The following GRK7 variants were observed in gnomAD, a reference collection of about 807,000 sequenced individuals.
GRK7 encodes G protein-coupled receptor kinase 7.
A neutral mutation model predicts 34.1 loss-of-function variants in GRK7; 24 were observed. That is an observed-to-expected ratio of 0.70 (90% CI 0.51 to 0.99). The LOEUF (loss-of-function observed/expected upper bound fraction) is 0.99. GRK7 is among the 50% of genes least tolerant of loss of function. GRK7 has a pLI of 0.00. For synonymous variants in GRK7, 256 were observed against 279.4 expected (o/e 0.92, Z 0.84); for missense variants, 644 against 707.3 (o/e 0.91, Z 1.02).
chr3:141,785,347 A>G (rs1033864109), intron 4 of GRK7, among the ~76,000 whole-genome samples: 2 of 152,018 alleles, frequency 1.3e-5, no homozygotes, highest in South Asian at 2.1e-4. Context: ...CACGGACAAG[A>G]CCTCTGTTAA....
intron 4 of GRK7, among the ~76,000 whole-genome samples, chr3:141,787,363 C>T (rs1304185725): frequency 6.6e-6 from 1 of 152,086 alleles, no homozygotes; most frequent in African/African-American, 2.4e-5. Flanking sequence ...ATGGCTGATG[C>T]CTATAATCCC....
intron 4 of GRK7, among the ~76,000 whole-genome samples, chr3:141,786,081 G>T (rs542025129): frequency 1.3e-5 from 2 of 152,084 alleles, no homozygotes; most frequent in African/African-American, 2.4e-5. Context: ...TAGCCCATTA[G>T]CCAGGACCAT....
In GRK7 at chr3:141,764,138, C is replaced by G. The variant is rs2084569376; in HGVS notation, c.-1815C>G. ...TAGCTCCCAGCTCTCCATCACTACT[C>G]TTGATAATTCTTGGTGATTTCAATA... On this transcript the variant is annotated 5_prime_UTR_variant, in exon 1 of 6. Transcript: ENST00000682958. Among the ~76,000 whole-genome samples the G allele has an allele frequency of 6.6e-6, 1 of 152,176 alleles. No individual in the cohort carries two copies. The highest frequency in any genetic ancestry group is 2.4e-5 in the African/African-American group (1 of 41,440).
rs181142030 is a variant in GRK7, at chr3:141,772,540, C to A, written c.-214-2040C>A. On this transcript the variant is annotated intron_variant, in intron 1 of 5. Transcript: ENST00000682958. The stretch of plus-strand genomic sequence containing the variant: ...CAAATAGATATGCTATTGGACCATG[C>A]AGAGAATTGGGCATTTTAAAGGATG... Among the ~76,000 whole-genome samples the A allele has an allele frequency of 1.8e-3, 281 of 152,258 alleles. 1 individual carries two copies. Among genetic ancestry groups the A allele is most frequent in the Non-Finnish European group, 2.6e-3 (179 of 68,010 alleles).
intron 1 of GRK7, among the ~76,000 whole-genome samples, chr3:141,767,018 CATT>C (rs2084592418): frequency 6.6e-6 from 1 of 152,168 alleles, no homozygotes; most frequent in Non-Finnish European, 1.5e-5. Flanking sequence ...AGAATGCAGT[CATT>C]ATTAAAACAA....
At chr3:141,757,158 T>A in the GRK7 span, among the ~76,000 whole-genome samples, 138 of 148,170 alleles carry the variant, frequency 9.3e-4, 1 homozygote, top group African/African-American at 3.2e-3. Flanking sequence ...TTTTTTTTTT[T>A]TTTATTATAC....
In GRK7 at chr3:141,817,888, A is replaced by T. The variant is rs1233221163; in HGVS notation, c.*838A>T. 6.6e-6 allele frequency: 1 copy of T among 152,212 alleles called. No homozygotes were observed. The highest frequency in any genetic ancestry group is 1.9e-4 in the East Asian group (1 of 5,206). 9.4% of individuals were successfully genotyped at this position (152,212 alleles called of 1,614,324 possible). On this transcript the variant is annotated 3_prime_UTR_variant, in exon 6 of 6. Coordinates refer to ENST00000682958, the MANE Select transcript of GRK7 (RefSeq NM_139209.3). ...GAACAGCTTGACCATTTAGAATTTC[A>T]GAAGCTCCCCAGGTGATTCTAATGT...
In GRK7 at chr3:141,790,192, A is replaced by G. The variant is rs532006686; in HGVS notation, c.1050+9381A>G. Among the ~76,000 whole-genome samples the G allele has an allele frequency of 9.8e-5, 15 of 152,292 alleles. 1 individual carries two copies. The highest frequency in any genetic ancestry group is 3.6e-4 in the African/African-American group (15 of 41,580). On this transcript the variant is annotated intron_variant, in intron 4 of 5. Coordinates refer to ENST00000682958, the MANE Select transcript of GRK7 (RefSeq NM_139209.3). ...AATTTTTTATACTTCTAGTAGAGACAGGGTTTCACCGAGTTAACCAGGGTG... is the reference window on the plus strand; with the variant it reads ...AATTTTTTATACTTCTAGTAGAGACGGGGTTTCACCGAGTTAACCAGGGTG...
chr3:141,762,081 G>A (rs1012059460), upstream of GRK7, among the ~76,000 whole-genome samples: 1 of 149,972 alleles, frequency 6.7e-6, no homozygotes, highest in Non-Finnish European at 1.5e-5. Context: ...GTAGCTCAGA[G>A]TAATTTGATT....
At chr3:141,763,046 A>G (rs2084564142), upstream of GRK7, among the ~76,000 whole-genome samples, 1 of 152,228 alleles carries the variant, frequency 6.6e-6, no homozygotes, top group Non-Finnish European at 1.5e-5. Context: ...TAGTGAGATG[A>G]ACCCAGTACC....
intron 4 of GRK7, among the ~76,000 whole-genome samples, chr3:141,799,609 C>G (rs1710930036): frequency 6.8e-6 from 1 of 147,010 alleles, no homozygotes; most frequent in African/African-American, 2.6e-5. Context: ...GAGGCTCGGT[C>G]TAAAAAAAAA....
Position 141,780,503 on chromosome 3 carries a change from AG to A in GRK7, c.743del (p.Ser248ThrfsTer21), listed in dbSNP as rs769450755. ...AAAGGAAATCTTGGAGAAGGTCAGC[AG>A]CCCTTTCATTGTCTCTCTGGCCTAT... ...LEKEILEKVS[S>X]PFIVSLAYAF... is the part of the protein sequence containing the mutation. On this transcript the variant is annotated frameshift_variant, in exon 4 of 6. Transcript: ENST00000682958. LOFTEE classifies it high-confidence loss of function. The A allele has an allele frequency of 2.9e-5, 47 of 1,614,146 alleles. 1 individual carries two copies. In the South Asian group the frequency reaches 4.4e-4, roughly 15 times the overall value.
intron 2 of GRK7, among the ~76,000 whole-genome samples, chr3:141,776,534 A>G (rs543092543): frequency 5.8e-4 from 88 of 152,202 alleles, no homozygotes; most frequent in Non-Finnish European, 7.6e-4. Flanking sequence ...CAAAGCAGAC[A>G]GCATGGTTCA....
intron 4 of GRK7, among the ~76,000 whole-genome samples, chr3:141,787,778 TG>T (rs2084703772): frequency 6.6e-6 from 1 of 150,580 alleles, no homozygotes; most frequent in Non-Finnish European, 1.5e-5. Flanking sequence ...GAAGCCAAGG[TG>T]GGAGAATCCC....
chr3:141,800,921 G>A (rs543119490), intron 4 of GRK7, among the ~76,000 whole-genome samples: 16 of 152,240 alleles, frequency 1.1e-4, no homozygotes, highest in Admixed American at 2.0e-4. Context: ...AACTGTACAC[G>A]TTATTGTATA....
upstream of GRK7, among the ~76,000 whole-genome samples, chr3:141,759,942 G>T (rs1175058000): frequency 3.0e-5 from 2 of 65,802 alleles, no homozygotes; most frequent in South Asian, 7.1e-4. Flanking sequence ...GTTTATTTGC[G>T]TAGAGGTGTT....
At chr3:141,811,513 A>G (rs1711092031) in intron 5 of GRK7, among the ~76,000 whole-genome samples, 1 of 152,180 alleles carries the variant, frequency 6.6e-6, no homozygotes, top group Non-Finnish European at 1.5e-5. Flanking sequence ...TTAGTAAAGC[A>G]TCTGTTGTTG....
intron 1 of GRK7, among the ~76,000 whole-genome samples, chr3:141,772,448 A>G (rs188764054): frequency 2.0e-5 from 3 of 152,296 alleles, no homozygotes; most frequent in East Asian, 3.9e-4. Context: ...ACACTGCTCA[A>G]AATAGCTTCT....
chr3:141,798,476 C>A (rs1254194061), intron 4 of GRK7, among the ~76,000 whole-genome samples: 1 of 152,206 alleles, frequency 6.6e-6, no homozygotes, highest in African/African-American at 2.4e-5. Context: ...CACCCACACA[C>A]CCCTCCACTA....
Sources: allele counts gnomAD v4.1 joint callset (sites outside exome capture counted in the v4.1 genomes callset), GRCh38; gene constraint gnomAD v4.1.1; transcripts MANE v1.5; gene names NCBI Gene and HGNC (gene_info 2026-07-23, HGNC 2026-07-21).